The following TKTL1 variants were observed in gnomAD, a reference collection of about 807,000 sequenced individuals.
The protein encoded by TKTL1 is transketolase-like protein 1.
In TKTL1, 1 loss-of-function variant was observed where a neutral mutation model predicts 39.3. The ratio of observed to expected loss-of-function variants is 0.03; its 90% CI spans 0.01 to 0.12. The LOEUF is 0.12. Among genes scored for constraint, TKTL1 ranks in the 10% least tolerant of loss-of-function variants. TKTL1 has a pLI of 1.00. For missense variants in TKTL1, 575 were observed against 509.6 expected (o/e 1.13, Z -1.24); for synonymous variants, 262 against 193.8 (o/e 1.35, Z -2.92).
intron 2 of TKTL1, among the ~76,000 whole-genome samples, chrX:154,305,916 A>G (rs782347647): frequency 2.7e-5 from 3 of 111,735 alleles, no homozygotes; most frequent in Non-Finnish European, 5.6e-5. Context: ...ATCATGGGTG[A>G]TAGGAAAGAA....
At chrX:154,321,218 C>T (rs2067447898) in intron 8 of TKTL1, among the ~76,000 whole-genome samples, 1 of 109,136 alleles carries the variant, frequency 9.2e-6, no homozygotes, top group Non-Finnish European at 1.9e-5. Context: ...GCCTTTTCTG[C>T]CCTCGCTGTG....
intron 3 of TKTL1, among the ~76,000 whole-genome samples, chrX:154,310,624 C>T (rs1402793985): frequency 8.9e-6 from 1 of 112,210 alleles, no homozygotes; most frequent in Non-Finnish European, 1.9e-5. Flanking sequence ...AGAAAACTAG[C>T]CAGAGGTAAA....
intron 1 of TKTL1, among the ~76,000 whole-genome samples, chrX:154,302,296 A>C (rs2067279882): frequency 9.0e-6 from 1 of 111,387 alleles, no homozygotes; most frequent in Non-Finnish European, 1.9e-5. Flanking sequence ...CATCTAAGTC[A>C]AAACAAGGGT....
At chrX:154,297,503 G>A (rs782470552) in intron 1 of TKTL1, among the ~76,000 whole-genome samples, 6 of 111,384 alleles carry the variant, frequency 5.4e-5, no homozygotes, top group East Asian at 5.7e-4. Flanking sequence ...TGATCCGCCC[G>A]CCTCGGCCTC....
Position 154,302,576 on chromosome X carries a change from C to T in TKTL1, c.135-2728C>T, listed in dbSNP as rs141752687. ...GGCTCCACTCTCACAGCGTAATCAC[C>T]TCCCAAAGGCCCTGCCTCCAAATAC... is the stretch of plus-strand genomic sequence containing the variant. On this transcript the variant is annotated intron_variant, in intron 1 of 12. Coordinates refer to ENST00000369915, the MANE Select transcript of TKTL1 (RefSeq NM_012253.4). Among the ~76,000 whole-genome samples the T allele has an allele frequency of 2.1e-4, 23 of 111,708 alleles. No homozygotes were observed. In the East Asian group the frequency reaches 6.5e-3, roughly 32 times the overall value.
intron 1 of TKTL1, among the ~76,000 whole-genome samples, chrX:154,296,491 C>T (rs1281253756): frequency 9.1e-6 from 1 of 110,072 alleles, no homozygotes; most frequent in African/African-American, 3.3e-5. Flanking sequence ...TGGCGAAACC[C>T]CGTCTCTTAC....
In TKTL1 at chrX:154,295,905, C is replaced by G; in HGVS notation, c.46C>G (p.Pro16Ala). 2 of 1,212,059 alleles carry G rather than the reference C, an allele frequency of 1.7e-6. No homozygotes were observed. The highest frequency in any genetic ancestry group is 3.0e-5 in the East Asian group (1 of 33,835). Residue 16 changes from proline (P) to alanine (A), a missense_variant, in exon 1 of 13, where the codon CCT becomes GCT. By Grantham distance (27) the Pro-to-Ala change is conservative. Coordinates refer to ENST00000369915, the MANE Select transcript of TKTL1 (RefSeq NM_012253.4). ...ARAEFPEEAR[P>A]DRGTLQVLQD... ...GGCTGAGTTCCCGGAGGAGGCCAGA[C>G]CTGACAGGGGCACCTTGCAGGTGTT... is the stretch of plus-strand genomic sequence containing the variant.
At chrX:154,316,892 C>T (rs150180039) in intron 7 of TKTL1, among the ~76,000 whole-genome samples, 1,940 of 109,190 alleles carry the variant, frequency 0.018, 28 homozygotes, top group African/African-American at 0.05. Flanking sequence ...GCCTCAGCCT[C>T]GCAGGTAGCT....
At chrX:154,323,900 T>C (rs1406019958) in intron 9 of TKTL1, among the ~76,000 whole-genome samples, 1 of 112,669 alleles carries the variant, frequency 8.9e-6, no homozygotes, top group Admixed American at 9.4e-5. Context: ...AGAACCTAGC[T>C]GCACGGGAGA....
chrX:154,302,483 TC>T (rs1297622399), intron 1 of TKTL1, among the ~76,000 whole-genome samples: 1 of 110,170 alleles, frequency 9.1e-6, no homozygotes, highest in East Asian at 2.9e-4. Flanking sequence ...AGCACTACCT[TC>T]CCCCCCGTAT....
chrX:154,317,150 C>G (rs995293626), intron 7 of TKTL1, among the ~76,000 whole-genome samples: 1 of 111,793 alleles, frequency 8.9e-6, no homozygotes, highest in Non-Finnish European at 1.9e-5. Context: ...AAATTTTGCT[C>G]CCCACCTCAC....
chrX:154,304,471 C>T (rs185484611), intron 1 of TKTL1, among the ~76,000 whole-genome samples: 1 of 110,034 alleles, frequency 9.1e-6, no homozygotes, highest in East Asian at 2.9e-4. Context: ...TGGCTCATGC[C>T]TGTAATCCCA....
chrX:154,305,569 T>A, intron 2 of TKTL1, 148 bp downstream of exon 2: 1 of 696,807 alleles, frequency 1.4e-6, no homozygotes, highest in Non-Finnish European at 2.1e-6. Context: ...AGTGTTCTAG[T>A]GAGGGCCACT....
In TKTL1 at chrX:154,327,970, C is replaced by G; in HGVS notation, c.1618+12C>G. On this transcript the variant is annotated intron_variant, in intron 12 of 12. Coordinates refer to ENST00000369915, the MANE Select transcript of TKTL1 (RefSeq NM_012253.4). ...TCACTACCCGCAAGGTGTGTGTGGG[C>G]ATTGAGAATGCTTTGGAAGGTTTTG... 8.3e-7 allele frequency: 1 copy of G among 1,209,961 alleles called. No homozygotes were observed. The highest frequency in any genetic ancestry group is 1.7e-5 in the African/African-American group (1 of 57,705).
chrX:154,314,373 A>T (rs781788730), intron 6 of TKTL1, among the ~76,000 whole-genome samples: 29 of 111,671 alleles, frequency 2.6e-4, no homozygotes, highest in African/African-American at 9.1e-4. Flanking sequence ...TTAGTACATT[A>T]AAAAAATTAA....
rs2067220885 is a variant in TKTL1 at position 154,295,830 on chromosome X, G to A, written c.-30G>A. The A allele has an allele frequency of 2.5e-6, 3 of 1,202,845 alleles. No homozygotes were observed. Among genetic ancestry groups the A allele is most frequent in the Non-Finnish European group, 3.4e-6 (3 of 890,294 alleles). On this transcript the variant is annotated 5_prime_UTR_variant, in exon 1 of 13. Coordinates refer to ENST00000369915, the MANE Select transcript of TKTL1 (RefSeq NM_012253.4). ...CTTCAGACGCCGGAGACGTAGGAGT[G>A]GGTCTTCAGACTCCAAAGGGGTTGG...
intron 6 of TKTL1, among the ~76,000 whole-genome samples, chrX:154,314,548 T>TG (rs1364717545): frequency 9.0e-6 from 1 of 110,839 alleles, no homozygotes; most frequent in Non-Finnish European, 1.9e-5. Flanking sequence ...TTTTTTGAGA[T>TG]GGAGTCTCGC....
At chrX:154,307,992 A>G (rs1270169026) in intron 2 of TKTL1, among the ~76,000 whole-genome samples, 1 of 112,009 alleles carries the variant, frequency 8.9e-6, no homozygotes, top group Non-Finnish European at 1.9e-5. Flanking sequence ...AGCAAGAAGC[A>G]GGAGATCAGA....
intron 1 of TKTL1, among the ~76,000 whole-genome samples, chrX:154,303,560 C>T (rs2067291998): frequency 9.5e-6 from 1 of 104,853 alleles, no homozygotes; most frequent in South Asian, 4.4e-4. Flanking sequence ...TCCCTCTTCC[C>T]TCGTCTTCCT....
Sources: gnomAD v4.1 joint callset for allele counts (sites outside exome capture counted in the v4.1 genomes callset) on GRCh38, gnomAD v4.1.1 for gene constraint, MANE v1.5 for transcripts, NCBI Gene and HGNC (gene_info 2026-07-23, HGNC 2026-07-21) for gene names.